The following CEP72 variants were observed in gnomAD, a reference collection of about 807,000 sequenced individuals.
CEP72 encodes centrosomal protein of 72 kDa.
CEP72 carries 78 observed loss-of-function variants against 65.7 expected under a neutral mutation model. That is an observed-to-expected ratio of 1.19 (90% CI 0.99 to 1.43). The LOEUF (loss-of-function observed/expected upper bound fraction) is 1.43, where lower values mean the gene tolerates loss of function less well. Ranked by LOEUF, CEP72 falls within the 40% of genes most tolerant of loss-of-function variation. The pLI is 0.00. For synonymous variants in CEP72, 358 were observed against 351.7 expected (o/e 1.02, Z -0.20); for missense variants, 914 against 832.9 (o/e 1.10, Z -1.20).
chr5:637,783 G>A lies in CEP72; in HGVS notation c.1171G>A (p.Glu391Lys), dbSNP rs931717942. 6 of 1,599,082 alleles carry A rather than the reference G, an allele frequency of 3.8e-6. No individual in the cohort carries two copies. The African/African-American group carries it at 8.0e-5, about 21-fold the overall frequency. ...LSQPEASETE[E>K]QRSRGVTDTR... ...TCAGCCTGAGGCCTCGGAGACTGAG[G>A]AGCAGAGGTCTCGGGGTGTGACCGA... Residue 391 changes from glutamate to lysine, a missense_variant, in exon 7 of 12, where the codon GAG becomes AAG. Physicochemically the swap from Glu to Lys is moderately conservative, Grantham distance 56 (BLOSUM62 1). Transcript: ENST00000264935.
chr5:622,545 T>C (rs1229479703), intron 3 of CEP72, among the ~76,000 whole-genome samples: 1 of 152,266 alleles, frequency 6.6e-6, no homozygotes, highest in Non-Finnish European at 1.5e-5. Flanking sequence ...CACCCACTCA[T>C]GTGGCAAGTG....
At chr5:657,717 A>G (rs1689670), downstream of CEP72, among the ~76,000 whole-genome samples, 30,063 of 152,078 alleles carry the variant, frequency 0.2, 3,381 homozygotes, top group East Asian at 0.43. Context: ...TGTGGGACTG[A>G]GGTGAGTCAT....
chr5:646,487 C>T (rs1032753285), intron 10 of CEP72, among the ~76,000 whole-genome samples: 2 of 152,166 alleles, frequency 1.3e-5, no homozygotes, highest in South Asian at 4.1e-4. Context: ...CCTCATGGAT[C>T]AAGGATAGGG....
At chr5:654,036 CTG>C (rs753923923), downstream of CEP72, among the ~76,000 whole-genome samples, 28 of 125,026 alleles carry the variant, frequency 2.2e-4, no homozygotes, top group South Asian at 5.6e-4. Context: ...TGTGCGCTTG[CTG>C]TGTGTGTGTG....
Position 620,220 on chromosome 5 carries a change from G to A in CEP72, c.362G>A (p.Arg121His), listed in dbSNP as rs542279058. The change falls in exon 3 of 12, where the codon CGC becomes CAC. Residue 121 changes from arginine to histidine, a missense_variant. Physicochemically the swap from Arg to His is conservative, Grantham distance 29. Coordinates refer to ENST00000264935, the MANE Select transcript of CEP72 (RefSeq NM_018140.4). ...NPVVKVEPDY[R>H]LFVVHLLPKL... is the part of the protein sequence containing the mutation. ...GTGGTGAAGGTTGAGCCTGACTACCGCCTTTTTGTTGTGCACCTGCTCCCC... is the reference window on the plus strand; with the variant it reads ...GTGGTGAAGGTTGAGCCTGACTACCACCTTTTTGTTGTGCACCTGCTCCCC... 75 of 1,614,118 alleles carry A rather than the reference G, an allele frequency of 4.6e-5. No homozygotes were observed. The Middle Eastern group carries it at 8.2e-4, about 18-fold the overall frequency.
downstream of CEP72, among the ~76,000 whole-genome samples, chr5:656,613 G>A (rs1739386473): frequency 6.6e-6 from 1 of 152,166 alleles, no homozygotes. Context: ...TCATTTTTGT[G>A]TATTAATTTG....
At chr5:672,799 C>T in the CEP72 span, among the ~76,000 whole-genome samples, 1 of 152,282 alleles carries the variant, frequency 6.6e-6, no homozygotes, top group African/African-American at 2.4e-5. Flanking sequence ...ACCGCACGCT[C>T]TTTGCAGGAG....
In CEP72 at chr5:620,154, C is replaced by T. The variant is rs137930525; in HGVS notation, c.296C>T (p.Ala99Val). 9 of 1,614,100 alleles carry T rather than the reference C, an allele frequency of 5.6e-6. No homozygotes were observed. Among genetic ancestry groups the T allele is most frequent in the Non-Finnish European group, 6.8e-6 (8 of 1,179,958 alleles). The change falls in exon 3 of 12, where the codon GCC becomes GTC. Residue 99 changes from alanine to valine, a missense_variant. Transcript: ENST00000264935. ...SSLAEVFRLH[A>V]LTELVDVDFR... ...TTGGCAGAAGTGTTTCGGCTCCACG[C>T]CTTAACCGAGCTCGTGGATGTGGAC...
intron 11 of CEP72, among the ~76,000 whole-genome samples, chr5:648,580 C>A (rs939066056): frequency 8.7e-4 from 89 of 102,094 alleles, no homozygotes; most frequent in South Asian, 2.1e-3. Context: ...TGAGGTGTGA[C>A]TGTGAGGTGT....
chr5:613,712 A>T (rs577441068), intron 1 of CEP72, among the ~76,000 whole-genome samples: 1 of 152,254 alleles, frequency 6.6e-6, no homozygotes, highest in African/African-American at 2.4e-5. Context: ...GAGCTGGAAG[A>T]TTGGTGTTGT....
intron 6 of CEP72, among the ~76,000 whole-genome samples, chr5:636,552 T>C (rs1737612964): frequency 6.6e-6 from 1 of 152,186 alleles, no homozygotes; most frequent in East Asian, 1.9e-4. Flanking sequence ...GGCTCACGCC[T>C]ATAATCCCAA....
intron 9 of CEP72, 157 bp downstream of exon 9, chr5:640,761 G>T: frequency 1.0e-6 from 1 of 985,430 alleles, no homozygotes; most frequent in African/African-American, 1.7e-5. Context: ...GGCCACCCCC[G>T]GAACGCGGCC....
intron 1 of CEP72, among the ~76,000 whole-genome samples, chr5:617,059 T>C (rs1357765378): frequency 6.6e-6 from 1 of 152,136 alleles, no homozygotes; most frequent in Non-Finnish European, 1.5e-5. Flanking sequence ...CCCCTCCTGG[T>C]CCTTTGGCCA....
chr5:665,187 C>T (rs745415593), exon 3 of CEP72: 13 of 1,613,700 alleles, frequency 8.1e-6, no homozygotes, highest in South Asian at 5.5e-5. Context: ...CAGATCCACG[C>T]GGCCAGCCTT....
At chr5:666,193 T>C in intron 4 of CEP72, 5 of 1,548,922 alleles carry the variant, frequency 3.2e-6, no homozygotes, top group Non-Finnish European at 4.4e-6. Flanking sequence ...CGCGTGGGTC[T>C]GAGCAGAGCT....
At chr5:646,062 C>G (rs1738401269) in intron 10 of CEP72, among the ~76,000 whole-genome samples, 1 of 152,148 alleles carries the variant, frequency 6.6e-6, no homozygotes, top group Non-Finnish European at 1.5e-5. Context: ...CTTCGTTACA[C>G]TGTGTGAGCG....
chr5:651,049 CTG>C (rs1447603876), intron 11 of CEP72, among the ~76,000 whole-genome samples: 1 of 79,750 alleles, frequency 1.3e-5, no homozygotes, highest in Non-Finnish European at 2.3e-5. Context: ...TGAGGTGTGA[CTG>C]TGAGGTGTGG....
intron 7 of CEP72, among the ~76,000 whole-genome samples, chr5:638,110 T>C (rs1305610815): frequency 1.3e-5 from 2 of 152,204 alleles, no homozygotes. Flanking sequence ...CTGCGTTTTG[T>C]TGGACGTGTG....
At chr5:636,048 G>A (rs928364963) in intron 6 of CEP72, among the ~76,000 whole-genome samples, 3 of 151,906 alleles carry the variant, frequency 2.0e-5, no homozygotes, top group South Asian at 2.1e-4. Flanking sequence ...AAGGCCCTCC[G>A]CTTAATACTG....
Sources: allele counts gnomAD v4.1 joint callset (sites outside exome capture counted in the v4.1 genomes callset), GRCh38; gene constraint gnomAD v4.1.1; transcripts MANE v1.5; gene names NCBI Gene and HGNC (gene_info 2026-07-23, HGNC 2026-07-21).